COL27A1: variants seen among roughly 807,000 people sequenced by gnomAD.
COL27A1 encodes collagen alpha-1(XXVII) chain.
A neutral mutation model predicts 251.3 loss-of-function variants in COL27A1; 106 were observed. The observed-to-expected ratio is 0.42, with a 90% confidence interval of 0.36 to 0.50. The LOEUF (loss-of-function observed/expected upper bound fraction) is 0.50, where lower values mean the gene tolerates loss of function less well. Among genes scored for constraint, COL27A1 ranks in the 20% least tolerant of loss-of-function variants. The probability of loss-of-function intolerance (pLI) is 0.00; values close to 1 mark genes in which losing one functional copy is unlikely to be tolerated. For missense variants in COL27A1, 2,325 were observed against 2,522.8 expected (o/e 0.92, Z 1.68); for synonymous variants, 1,000 against 986.3 (o/e 1.01, Z -0.26).
chr9:114,160,595 C>T (rs1420021822), intron 1 of COL27A1, among the ~76,000 whole-genome samples: 2 of 148,668 alleles, frequency 1.3e-5, no homozygotes, highest in South Asian at 2.1e-4. Flanking sequence ...CTCAGCTACT[C>T]GGGAGGCTGA....
intron 31 of COL27A1, 38 bp from the exon 32 acceptor site, chr9:114,265,384 A>G: frequency 6.2e-7 from 1 of 1,602,442 alleles, no homozygotes; most frequent in Non-Finnish European, 8.5e-7. Flanking sequence ...AGAGAAGGCC[A>G]TGGAGGGCCT....
chr9:114,268,605 C>G (rs1834903319), intron 34 of COL27A1, among the ~76,000 whole-genome samples: 1 of 152,230 alleles, frequency 6.6e-6, no homozygotes, highest in Non-Finnish European at 1.5e-5. Flanking sequence ...GAATCTGTCA[C>G]TGAATAGTCT....
intron 14 of COL27A1, among the ~76,000 whole-genome samples, chr9:114,229,351 GTCTC>G (rs148800222): frequency 1.3e-5 from 2 of 152,140 alleles, no homozygotes; most frequent in African/African-American, 4.8e-5. Flanking sequence ...CTGTCTGTCT[GTCTC>G]TCTCTCTCCT....
Position 114,188,439 on chromosome 9 carries a change from G to A in COL27A1, c.2016+5364G>A, listed in dbSNP as rs547308418. Reference sequence around the variant, plus strand: ...CCATTTGCTGCTTGTATGACTTTGGGCAAGTTACTTAAAACTTGGAGGGCC... The same window carrying A: ...CCATTTGCTGCTTGTATGACTTTGGACAAGTTACTTAAAACTTGGAGGGCC... On this transcript the variant is annotated intron_variant, in intron 5 of 60. Coordinates refer to ENST00000356083, the MANE Select transcript of COL27A1 (RefSeq NM_032888.4). 8.5e-5 allele frequency among the ~76,000 whole-genome samples: 13 copies of A among 152,198 alleles called. No homozygotes were observed. The South Asian group carries it at 1.7e-3, about 19-fold the overall frequency.
rs1478351814 is a variant in COL27A1 at position 114,168,055 on chromosome 9, C to T, written c.500C>T (p.Thr167Ile). 1.9e-6 allele frequency: 3 copies of T among 1,608,298 alleles called. No homozygotes were observed. Among genetic ancestry groups the T allele is most frequent in the Non-Finnish European group, 2.5e-6 (3 of 1,179,864 alleles). The change falls in exon 3 of 61, where the codon ACA (threonine) becomes ATA (isoleucine). Residue 167 changes from threonine to isoleucine, a missense_variant. Around this residue, in one of 4 missense-constraint regions of COL27A1, gnomAD observed 1,183 missense variants for 1,144.1 expected, o/e 1.03. Coordinates refer to ENST00000356083, the MANE Select transcript of COL27A1 (RefSeq NM_032888.4). ...CTGGCCCTCGAGCTCCGAGGCCGCA[C>T]AGTCACTCTGGTGACTGCCTGCGGG... The part of the protein sequence containing the change: ...HHLALELRGR[T>I]VTLVTACGQR...
chr9:114,188,100 A>G lies in COL27A1; in HGVS notation c.2016+5025A>G, dbSNP rs1480571622. On this transcript the variant is annotated intron_variant, in intron 5 of 60. Transcript: ENST00000356083. ...AACAGCTTTATTGATGTGGCAGTACAGCTCCGTGACTGCTCCGGCACAGCA... is the reference window on the plus strand; with the variant it reads ...AACAGCTTTATTGATGTGGCAGTACGGCTCCGTGACTGCTCCGGCACAGCA... Among the ~76,000 whole-genome samples the G allele has an allele frequency of 2.0e-5, 3 of 152,240 alleles. No individual in the cohort carries two copies. In the South Asian group the frequency reaches 6.2e-4, roughly 32 times the overall value.
intron 49 of COL27A1, among the ~76,000 whole-genome samples, chr9:114,297,280 C>G (rs1156900648): frequency 2.0e-5 from 3 of 152,046 alleles, no homozygotes; most frequent in African/African-American, 7.3e-5. Flanking sequence ...AGGAGACAGC[C>G]ATCAGAGTGC....
In COL27A1 at chr9:114,183,028, C is replaced by A. The variant is rs369858706; in HGVS notation, c.1969C>A (p.Pro657Thr). ...IPGARGPRGP[P>T]GPYGNPGLPG... The stretch of plus-strand genomic sequence containing the variant: ...TGTTCCTTGTCTCTTTCAGGGTCCT[C>A]CTGGGCCTTATGGAAATCCAGGTCT... Residue 657 changes from proline to threonine, a missense_variant, in exon 5 of 61, where the codon CCT becomes ACT. Physicochemically the swap from Pro to Thr is conservative, Grantham distance 38 (BLOSUM62 -1). Around this residue, in one of 4 missense-constraint regions of COL27A1, gnomAD observed 1,183 missense variants for 1,144.1 expected, o/e 1.03. Transcript: ENST00000356083. 5.6e-6 allele frequency: 9 copies of A among 1,613,684 alleles called. No individual in the cohort carries two copies. The highest frequency in any genetic ancestry group is 7.6e-6 in the Non-Finnish European group (9 of 1,179,974).
chr9:114,290,686 C>T lies in COL27A1; in HGVS notation c.4369-124C>T. 1 of 713,570 alleles carries T rather than the reference C, an allele frequency of 1.4e-6. No individual in the cohort carries two copies. The highest frequency in any genetic ancestry group is 2.3e-6 in the Non-Finnish European group (1 of 427,152). The allele number at this position is 713,570 out of a possible 1,614,324, so 44.2% of individuals were successfully genotyped here. On this transcript the variant is annotated intron_variant, in intron 47 of 60. Transcript: ENST00000356083. This position sits in a 1 kb window ranked among gnomAD's most constrained non-coding sequence, Gnocchi z 4.6. ...CCACATCACACACAGGCCGTCTGAC[C>T]TCCATCCTGGAGTGTGACCCCTTCC...
At chr9:114,188,994 C>T (rs1828568230) in intron 5 of COL27A1, among the ~76,000 whole-genome samples, 1 of 151,988 alleles carries the variant, frequency 6.6e-6, no homozygotes, top group African/African-American at 2.4e-5. Flanking sequence ...TTGTTGTTTG[C>T]TTCTTAAGAG....
Position 114,309,457 on chromosome 9 carries a change from G to C in COL27A1, c.5415G>C (p.Glu1805Asp), listed in dbSNP as rs1270682536. 5.6e-6 allele frequency: 9 copies of C among 1,613,748 alleles called. No individual in the cohort carries two copies. The highest frequency in any genetic ancestry group is 7.6e-6 in the Non-Finnish European group (9 of 1,179,918). The part of the protein sequence containing the change: ...IFEAGGQFRP[E>D]VSMDGCKVQD... ...AAGCTGGGGGTCAGTTCCGGCCCGAGGTGTCCATGGATGGCTGCAAGGTAA... is the reference window on the plus strand; with the variant it reads ...AAGCTGGGGGTCAGTTCCGGCCCGACGTGTCCATGGATGGCTGCAAGGTAA... Residue 1805 changes from glutamate to aspartate, a missense_variant, in exon 60 of 61, where the codon GAG becomes GAC. Around this residue, in one of 4 missense-constraint regions of COL27A1, gnomAD observed 327 missense variants for 442.8 expected, o/e 0.74. Coordinates refer to ENST00000356083, the MANE Select transcript of COL27A1 (RefSeq NM_032888.4).
Position 114,162,705 on chromosome 9 carries a change from T to C in COL27A1, c.63-10T>C. The C allele has an allele frequency of 6.2e-7, 1 of 1,609,864 alleles. No homozygotes were observed. On this transcript the variant is annotated splice_polypyrimidine_tract_variant and intron_variant, in intron 1 of 60. Coordinates refer to ENST00000356083, the MANE Select transcript of COL27A1 (RefSeq NM_032888.4). ...TGATGCCGCCTCTGCTTGTGTCTCC[T>C]GGTCTCTAGGGGGTTTCTCTTCTCC...
intron 7 of COL27A1, among the ~76,000 whole-genome samples, chr9:114,201,573 A>G (rs139494320): frequency 1.7e-3 from 255 of 152,284 alleles, no homozygotes; most frequent in African/African-American, 5.9e-3. Flanking sequence ...TAGAAATTGT[A>G]TATCCCAATG....
intron 35 of COL27A1, among the ~76,000 whole-genome samples, chr9:114,270,251 C>A (rs541252408): frequency 3.9e-5 from 6 of 152,314 alleles, no homozygotes; most frequent in Admixed American, 3.3e-4. Context: ...GATAAAAAAA[C>A]AGATGCCAAT....
chr9:114,255,330 A>G (rs1015510669), intron 27 of COL27A1, among the ~76,000 whole-genome samples: 10 of 150,522 alleles, frequency 6.6e-5, no homozygotes, highest in African/African-American at 1.0e-4. Context: ...GAGTGATTGG[A>G]GCCCTCAGCA....
At chr9:114,304,928 C>G (rs1482465651) in intron 57 of COL27A1, among the ~76,000 whole-genome samples, 2 of 152,232 alleles carry the variant, frequency 1.3e-5, no homozygotes, top group East Asian at 1.9e-4. Flanking sequence ...TCTCCGGAGG[C>G]CTCTCAGAGT....
At chr9:114,214,658 C>G (rs1441701826) in intron 12 of COL27A1, among the ~76,000 whole-genome samples, 3 of 152,214 alleles carry the variant, frequency 2.0e-5, no homozygotes, top group Non-Finnish European at 4.4e-5. Flanking sequence ...GACTTGAATC[C>G]AGAACACTTG....
chr9:114,291,915 C>A (rs10429546), intron 48 of COL27A1, among the ~76,000 whole-genome samples, 188 bp from the exon 49 acceptor site: 31,840 of 151,812 alleles, frequency 0.21, 3,496 homozygotes, highest in Middle Eastern at 0.25. Flanking sequence ...GAGACAGAGA[C>A]CTTCCTCTTT....
At chr9:114,200,741 A>T (rs1429615497) in intron 7 of COL27A1, among the ~76,000 whole-genome samples, 1 of 151,844 alleles carries the variant, frequency 6.6e-6, no homozygotes, top group Non-Finnish European at 1.5e-5. Flanking sequence ...ACATAATAAG[A>T]CCCTCTACTC....
Sources: allele counts gnomAD v4.1 joint callset (sites outside exome capture counted in the v4.1 genomes callset), GRCh38; gene constraint gnomAD v4.1.1; regional missense constraint gnomAD v4.1.1; non-coding constraint Gnocchi (gnomAD v3.1); transcripts MANE v1.5; gene names NCBI Gene and HGNC (gene_info 2026-07-23, HGNC 2026-07-21).